Variants in ITSN2 observed in about 807,000 individuals in gnomAD.
The protein encoded by ITSN2 is intersectin-2.
In ITSN2, 156 loss-of-function variants were observed where a neutral mutation model predicts 243.7. That is an observed-to-expected ratio of 0.64 (90% confidence interval 0.56 to 0.73). ITSN2 has a LOEUF of 0.73. ITSN2 is among the 30% of genes least tolerant of loss of function. ITSN2 has a pLI of 0.00. For missense variants in ITSN2, 1,801 were observed against 1,996.1 expected (o/e 0.90, Z 1.86); for synonymous variants, 703 against 699.9 (o/e 1.00, Z -0.07).
intron 27 of ITSN2, among the ~76,000 whole-genome samples, chr2:24,247,897 G>C (rs899649195): frequency 4.6e-5 from 7 of 151,862 alleles, no homozygotes; most frequent in African/African-American, 1.5e-4. Flanking sequence ...GAATTTCAGG[G>C]GGTTATTCAA....
chr2:24,354,961 A>G (rs1688317710), intron 1 of ITSN2, among the ~76,000 whole-genome samples: 2 of 152,180 alleles, frequency 1.3e-5, no homozygotes, highest in Admixed American at 1.3e-4. Flanking sequence ...GAACCTTTTG[A>G]AACAATACTA....
intron 2 of ITSN2, among the ~76,000 whole-genome samples, chr2:24,319,976 T>C (rs1297781140): frequency 6.6e-6 from 1 of 152,212 alleles, no homozygotes; most frequent in African/African-American, 2.4e-5. Context: ...TGTCAGAGAT[T>C]TATCCTAGAT....
intron 29 of ITSN2, among the ~76,000 whole-genome samples, chr2:24,236,184 G>A (rs1672130487): frequency 6.6e-6 from 1 of 152,202 alleles, no homozygotes; most frequent in Non-Finnish European, 1.5e-5. Flanking sequence ...ATGATGTACA[G>A]CTACATGCTA....
chr2:24,336,271 A>C, intron 1 of ITSN2, among the ~76,000 whole-genome samples: 1 of 151,346 alleles, frequency 6.6e-6, no homozygotes, highest in East Asian at 1.9e-4. Context: ...AAGTTTCCCA[A>C]CTTGCCCACT....
chr2:24,264,725 AAC>A (rs1676432644), intron 20 of ITSN2, among the ~76,000 whole-genome samples: 1 of 112,704 alleles, frequency 8.9e-6, no homozygotes, highest in African/African-American at 3.1e-5. Context: ...CACACACACA[AAC>A]ACACGTAGCA....
At chr2:24,332,952 A>G (rs889456717) in intron 1 of ITSN2, among the ~76,000 whole-genome samples, 1 of 152,214 alleles carries the variant, frequency 6.6e-6, no homozygotes, top group Non-Finnish European at 1.5e-5. Flanking sequence ...AAGGAGCTTC[A>G]GACACTGACA....
In ITSN2 at chr2:24,210,036, T is replaced by A; in HGVS notation, c.4258-3A>T. The stretch of plus-strand genomic sequence containing the variant: ...GTGAGAGAGTTGAAAATAAGTTGCT[T>A]AAAGAGAAAGAAAATTTCACTTTTT... On this transcript the variant is annotated splice_region_variant and splice_polypyrimidine_tract_variant and intron_variant, in intron 34 of 39. Coordinates refer to ENST00000355123, the MANE Select transcript of ITSN2 (RefSeq NM_006277.3). 6.2e-7 allele frequency: 1 copy of A among 1,608,304 alleles called. No individual in the cohort carries two copies. Among genetic ancestry groups the A allele is most frequent in the Non-Finnish European group, 8.5e-7 (1 of 1,175,192 alleles).
intron 13 of ITSN2, 22 bp from the exon 14 acceptor site, chr2:24,295,826 A>G: frequency 6.9e-7 from 1 of 1,450,728 alleles, no homozygotes; most frequent in Non-Finnish European, 9.2e-7. Context: ...TCATATAAAT[A>G]TATAGTAACA....
chr2:24,300,545 C>T (rs1474358169), intron 11 of ITSN2, among the ~76,000 whole-genome samples: 3 of 152,020 alleles, frequency 2.0e-5, no homozygotes, highest in Admixed American at 2.0e-4. Context: ...CGGTGAAACC[C>T]CATCTCTACT....
At chr2:24,337,350 A>ATATGTATATATATATGTAATTTTTTTTT (rs1310871964) in intron 1 of ITSN2, among the ~76,000 whole-genome samples, 1 of 120,238 alleles carries the variant, frequency 8.3e-6, no homozygotes. Context: ...ATATATATAT[A>ATATGTATATATATATGTAATTTTTTTTT]TATGTAATTT....
intron 20 of ITSN2, 54 bp from the exon 21 acceptor site, chr2:24,261,796 T>C (rs1675910276): frequency 4.5e-6 from 6 of 1,323,106 alleles, no homozygotes; most frequent in Non-Finnish European, 6.4e-6. Flanking sequence ...ACATTTACAA[T>C]GGAAAGAGAT....
chr2:24,306,289 A>G (rs1682529338), intron 8 of ITSN2, among the ~76,000 whole-genome samples: 1 of 152,088 alleles, frequency 6.6e-6, no homozygotes, highest in Admixed American at 6.6e-5. Context: ...CTGCCTAATG[A>G]ATTTTTACAC....
At chr2:24,261,084 AC>A (rs1675785868) in intron 22 of ITSN2, 21 bp downstream of exon 22, 7 of 1,599,412 alleles carry the variant, frequency 4.4e-6, no homozygotes, top group Non-Finnish European at 5.1e-6. Flanking sequence ...AATAAAGCCC[AC>A]AAAAATAACA....
chr2:24,352,324 TTAATTA>T (rs1688095494), intron 1 of ITSN2, among the ~76,000 whole-genome samples: 1 of 152,210 alleles, frequency 6.6e-6, no homozygotes, highest in South Asian at 2.1e-4. Context: ...CAACATTATT[TTAATTA>T]TAATCACTAA....
chr2:24,338,170 G>C (rs1233334641), intron 1 of ITSN2, among the ~76,000 whole-genome samples: 1 of 152,128 alleles, frequency 6.6e-6, no homozygotes. Flanking sequence ...CCACCCAGAG[G>C]CTTCATCTGC....
chr2:24,253,396 C>T (rs987263379), intron 24 of ITSN2, among the ~76,000 whole-genome samples: 2 of 152,210 alleles, frequency 1.3e-5, no homozygotes, highest in African/African-American at 4.8e-5. Context: ...TCACTACTTT[C>T]CTAGGCTCAG....
At position 24,252,383 on chromosome 2, in the gene ITSN2, T is replaced by C; in HGVS notation, c.3082A>G (p.Ile1028Val). ...GGTTTGACATAGTTTGATGGAAAAA[T>C]TCCACTTCTATCTCCAATACTTCCT... ...WTGSIGDRSG[I>V]FPSNYVKPKD... Residue 1028 changes from isoleucine (I) to valine (V), a missense_variant, in exon 25 of 40, where the codon ATT becomes GTT. Physicochemically the swap from Ile to Val is conservative, Grantham distance 29. This residue lies in a region of ITSN2 where 928 missense variants were observed against 1,065.4 expected (regional missense o/e 0.87). Coordinates refer to ENST00000355123, the MANE Select transcript of ITSN2 (RefSeq NM_006277.3). 1 of 1,613,004 alleles carries C rather than the reference T, an allele frequency of 6.2e-7. No homozygotes were observed. Among genetic ancestry groups the C allele is most frequent in the Non-Finnish European group, 8.5e-7 (1 of 1,179,176 alleles).
intron 1 of ITSN2, among the ~76,000 whole-genome samples, chr2:24,328,759 A>G (rs1393415783): frequency 1.3e-5 from 2 of 152,214 alleles, no homozygotes; most frequent in Non-Finnish European, 2.9e-5. Context: ...CACTGCACCC[A>G]GCCCATAGTA....
intron 1 of ITSN2, among the ~76,000 whole-genome samples, chr2:24,340,744 G>GAA (rs200911348): frequency 6.7e-6 from 1 of 149,992 alleles, no homozygotes; most frequent in African/African-American, 2.4e-5. Flanking sequence ...CTCAAAAAAG[G>GAA]AAAAAAAACA....
Sources: allele counts gnomAD v4.1 joint callset (sites outside exome capture counted in the v4.1 genomes callset), GRCh38; gene constraint gnomAD v4.1.1; regional missense constraint gnomAD v4.1.1; transcripts MANE v1.5; gene names NCBI Gene and HGNC (gene_info 2026-07-23, HGNC 2026-07-21).